ACAP3: variants seen among roughly 807,000 people sequenced by gnomAD.
ACAP3 encodes the protein ArfGAP with coiled-coil, ankyrin repeat and PH domains 3, also known as arf-GAP with coiled-coil, ANK repeat and PH domain-containing protein 3.
ACAP3 carries 56 observed loss-of-function variants against 104.1 expected under a neutral mutation model. The observed-to-expected ratio is 0.54, with a 90% CI of 0.43 to 0.67. The LOEUF (loss-of-function observed/expected upper bound fraction) is 0.67, where lower values mean the gene tolerates loss of function less well. Among genes scored for constraint, ACAP3 ranks in the 30% least tolerant of loss-of-function variants. The pLI is 0.00. For synonymous variants in ACAP3, 628 were observed against 496.2 expected (o/e 1.27, Z -3.53); for missense variants, 1,208 against 1,174.9 (o/e 1.03, Z -0.41).
rs1010621542 is a variant in ACAP3 at position 1,294,312 on chromosome 1, G to A, written c.2139+90C>T. ...GCCGGGACCGAACGTGGTCCCCACC[G>A]CGGACAGGCGACCCTTGTGTGGGCG... On this transcript the variant is annotated intron_variant, in intron 21 of 23. Coordinates refer to ENST00000354700, the MANE Select transcript of ACAP3 (RefSeq NM_030649.3). The A allele has an allele frequency of 6.6e-6, 10 of 1,513,258 alleles. No individual in the cohort carries two copies. In the Admixed American group the frequency reaches 1.0e-4, roughly 16 times the overall value. 93.7% of individuals were successfully genotyped at this position (1,513,258 alleles called of 1,614,324 possible). A position where few individuals can be genotyped will look rare whatever the true frequency, so the allele number is the denominator to read the frequency against.
rs1478714708 is a variant in ACAP3 at position 1,300,218 on chromosome 1, C to A, written c.523-16G>T. 6.3e-7 allele frequency: 1 copy of A among 1,597,722 alleles called. No homozygotes were observed. The highest frequency in any genetic ancestry group is 8.5e-7 in the Non-Finnish European group (1 of 1,171,320). Reference sequence around the variant, plus strand: ...GAACATTGATCTGCCAGAGGGGGAGCCCACAGGTGAGCCCCGGAGGCTGAG... The same window carrying A: ...GAACATTGATCTGCCAGAGGGGGAGACCACAGGTGAGCCCCGGAGGCTGAG... On this transcript the variant is annotated splice_polypyrimidine_tract_variant and intron_variant, in intron 6 of 23. Transcript: ENST00000354700.
At chr1:1,298,279 G>C (rs939543243) in intron 12 of ACAP3, 91 bp downstream of exon 12, 1 of 1,589,508 alleles carries the variant, frequency 6.3e-7, no homozygotes, top group African/African-American at 1.3e-5. Context: ...CTAGTGCCCC[G>C]GCCCTGTGCT....
rs750084816 is a variant in ACAP3, at chr1:1,300,564, G to GC, written c.466dup (p.Ala156GlyfsTer30). The GC allele has an allele frequency of 6.2e-7, 1 of 1,612,138 alleles. No homozygotes were observed. Among genetic ancestry groups the GC allele is most frequent in the Non-Finnish European group, 8.5e-7 (1 of 1,179,706 alleles). ...GAAGCACTTCCTGGTGAGGGTGAGG[G>GC]CCCCGGTGGCTTCCTCCACCTCGTG... On this transcript the variant is annotated frameshift_variant, in exon 6 of 24. Transcript: ENST00000354700. LOFTEE classifies it high-confidence loss of function.
In ACAP3 at chr1:1,293,563, C is replaced by T. The variant is rs1640937226; in HGVS notation, c.*1G>A. ...GTGGCAGCTGCCCGGCCTGCCCGGC[C>T]CTAGCTCTCTTCCAGGTGGAGGCTG... On this transcript the variant is annotated 3_prime_UTR_variant, in exon 24 of 24. Transcript: ENST00000354700. 10 of 1,483,378 alleles carry T rather than the reference C, an allele frequency of 6.7e-6. No homozygotes were observed. The highest frequency in any genetic ancestry group is 1.5e-5 in the African/African-American group (1 of 67,986). 91.9% of individuals were successfully genotyped at this position (1,483,378 alleles called of 1,614,324 possible). A position where few individuals can be genotyped will look rare whatever the true frequency, so the allele number is the denominator to read the frequency against.
rs1641133404 is a variant in ACAP3, at chr1:1,296,124, G to A, written c.1408-15C>T. 4 of 1,612,532 alleles carry A rather than the reference G, an allele frequency of 2.5e-6. No homozygotes were observed. The highest frequency in any genetic ancestry group is 1.6e-4 in the Middle Eastern group (1 of 6,062). ...TCACACATCAGCTAGCGGGAGACAG[G>A]GCGAGCAGGCATCAGTGCGAACCTG... On this transcript the variant is annotated splice_polypyrimidine_tract_variant and intron_variant, in intron 16 of 23. Coordinates refer to ENST00000354700, the MANE Select transcript of ACAP3 (RefSeq NM_030649.3).
chr1:1,296,582 C>A lies in ACAP3; in HGVS notation c.1180G>T (p.Asp394Tyr). 6.5e-7 allele frequency: 1 copy of A among 1,539,692 alleles called. No homozygotes were observed. Reference sequence around the variant, plus strand: ...CCCTTCACGCCACGCTCCCGAGTGTCGGTGGCGGAGTCGATGCTGCTCGTG... The same window carrying A: ...CCCTTCACGCCACGCTCCCGAGTGTAGGTGGCGGAGTCGATGCTGCTCGTG... ...PSTSSIDSATDTRERGVKGES... is the reference protein window; with the variant it reads ...PSTSSIDSATYTRERGVKGES... The change falls in exon 15 of 24, where the codon GAC (aspartate) becomes TAC (tyrosine). Residue 394 changes from aspartate to tyrosine, a missense_variant. Physicochemically the swap from Asp to Tyr is radical, Grantham distance 160. Coordinates refer to ENST00000354700, the MANE Select transcript of ACAP3 (RefSeq NM_030649.3).
rs1641122257 is a variant in ACAP3 at position 1,295,956 on chromosome 1, A to G, written c.1503-18T>C. ...TGTCCTGCCTGGACCAGGGGGGAACATGAGGCTGTGCCCCCAGGCTGGGGC... is the reference window on the plus strand; with the variant it reads ...TGTCCTGCCTGGACCAGGGGGGAACGTGAGGCTGTGCCCCCAGGCTGGGGC... On this transcript the variant is annotated intron_variant, in intron 17 of 23. Coordinates refer to ENST00000354700, the MANE Select transcript of ACAP3 (RefSeq NM_030649.3). 2 of 1,612,530 alleles carry G rather than the reference A, an allele frequency of 1.2e-6. No individual in the cohort carries two copies. Among genetic ancestry groups the G allele is most frequent in the Non-Finnish European group, 1.7e-6 (2 of 1,179,954 alleles).
chr1:1,307,224 C>T, intron 1 of ACAP3: 1 of 1,287,118 alleles, frequency 7.8e-7, no homozygotes, highest in Non-Finnish European at 1.0e-6. Context: ...CATGCAGACT[C>T]GGTGTGCACA....
chr1:1,298,233 C>A, intron 12 of ACAP3, 120 bp from the exon 13 acceptor site: 1 of 1,576,984 alleles, frequency 6.3e-7, no homozygotes, highest in Admixed American at 1.8e-5. Context: ...CCGTGTCCAG[C>A]TCTCTGCTCC....
At position 1,307,709 on chromosome 1, in the gene ACAP3, C is replaced by T. The variant is rs1168107338; in HGVS notation, c.47+60G>A. The T allele has an allele frequency of 7.4e-6, 8 of 1,077,302 alleles. 1 individual carries two copies. In the East Asian group the frequency reaches 5.3e-4, roughly 71 times the overall value. The allele number at this position is 1,077,302 out of a possible 1,614,324, so 66.7% of individuals were successfully genotyped here. A position where few individuals can be genotyped will look rare whatever the true frequency, so the allele number is the denominator to read the frequency against. The stretch of plus-strand genomic sequence containing the variant: ...CTGACCTCCCCACCCCGCCGCCGGG[C>T]ACAAAGGCGACAGCGACGCCCCCGG... On this transcript the variant is annotated intron_variant, in intron 1 of 23. Transcript: ENST00000354700.
chr1:1,302,807 C>G (rs1160733510), intron 4 of ACAP3, 115 bp downstream of exon 4: 1 of 329,198 alleles, frequency 3.0e-6, no homozygotes, highest in Non-Finnish European at 5.8e-6. Flanking sequence ...CCCCCCCCCC[C>G]GACTAGAGGA....
Position 1,293,495 on chromosome 1 carries a change from G to A in ACAP3, c.*69C>T. On this transcript the variant is annotated 3_prime_UTR_variant, in exon 24 of 24. Transcript: ENST00000354700. ...CACACGCAGGGCCGCGGCCGGGTGGGCGCCAGGGACTTCGGGGCATGCGGG... is the reference window on the plus strand; with the variant it reads ...CACACGCAGGGCCGCGGCCGGGTGGACGCCAGGGACTTCGGGGCATGCGGG... 7.4e-7 allele frequency: 1 copy of A among 1,348,520 alleles called. No homozygotes were observed. Among genetic ancestry groups the A allele is most frequent in the Non-Finnish European group, 9.5e-7 (1 of 1,056,870 alleles). The allele number at this position is 1,348,520 out of a possible 1,614,324, so 83.5% of individuals were successfully genotyped here.
chr1:1,296,500 C>G lies in ACAP3; in HGVS notation c.1262G>C (p.Cys421Ser). 6.5e-7 allele frequency: 1 copy of G among 1,542,120 alleles called. No individual in the cohort carries two copies. The highest frequency in any genetic ancestry group is 8.7e-7 in the Non-Finnish European group (1 of 1,146,784). The change falls in exon 15 of 24, where the codon TGC becomes TCC. Residue 421 changes from cysteine to serine, a missense_variant. By Grantham distance (112) the Cys-to-Ser change is moderately radical (BLOSUM62 -1). Coordinates refer to ENST00000354700, the MANE Select transcript of ACAP3 (RefSeq NM_030649.3). ...SVAGNSQCGD[C>S]GQPDPRWASI... ...GGCCCAGCGGGGGTCCGGCTGGCCG[C>G]AGTCGCCGCACTGGCTGTTGCCGGC...
rs553351645 is a variant in ACAP3, at chr1:1,293,445, G to A, written c.*119C>T. On this transcript the variant is annotated 3_prime_UTR_variant, in exon 24 of 24. Transcript: ENST00000354700. ...CAGGGCCGCGGCGCCCCAGCACTGG[G>A]GCTGCCAGGTATCGACCCGCGGGTC... The A allele has an allele frequency of 1.0e-4, 114 of 1,100,882 alleles. No homozygotes were observed. Among genetic ancestry groups the A allele is most frequent in the Non-Finnish European group, 1.3e-4 (109 of 862,166 alleles). 68.2% of individuals were successfully genotyped at this position (1,100,882 alleles called of 1,614,324 possible).
At position 1,296,113 on chromosome 1, in the gene ACAP3, G is replaced by C. The variant is rs775415413; in HGVS notation, c.1408-4C>G. On this transcript the variant is annotated splice_polypyrimidine_tract_variant and splice_region_variant and intron_variant, in intron 16 of 23. Transcript: ENST00000354700. ...TGTTTCCAAGCTCACACATCAGCTA[G>C]CGGGAGACAGGGCGAGCAGGCATCA... 25 of 1,612,602 alleles carry C rather than the reference G, an allele frequency of 1.6e-5. No individual in the cohort carries two copies. Among genetic ancestry groups the C allele is most frequent in the Middle Eastern group, 1.6e-4 (1 of 6,084 alleles).
Position 1,293,713 on chromosome 1 carries a change from G to T in ACAP3, c.2361-5C>A, listed in dbSNP as rs752467746. The T allele has an allele frequency of 1.7e-5, 25 of 1,431,238 alleles. No individual in the cohort carries two copies. The South Asian group carries it at 3.4e-4, about 19-fold the overall frequency. The allele number at this position is 1,431,238 out of a possible 1,614,324, so 88.7% of individuals were successfully genotyped here. A position where few individuals can be genotyped will look rare whatever the true frequency, so the allele number is the denominator to read the frequency against. On this transcript the variant is annotated splice_region_variant and splice_polypyrimidine_tract_variant and intron_variant, in intron 23 of 23. Transcript: ENST00000354700. ...GCCATGCGCGCCAGACGGAGCCTACGGGGAGGCACAGCGTGAGACGCCCCT... is the reference window on the plus strand; with the variant it reads ...GCCATGCGCGCCAGACGGAGCCTACTGGGAGGCACAGCGTGAGACGCCCCT...
intron 4 of ACAP3, 33 bp downstream of exon 4, chr1:1,302,889 A>G (rs375249698): frequency 6.3e-7 from 1 of 1,580,436 alleles, no homozygotes; most frequent in Non-Finnish European, 8.6e-7. Context: ...CAGGCCAGGC[A>G]CAGCCCACAG....
intron 19 of ACAP3, 139 bp from the exon 20 acceptor site, chr1:1,294,955 G>C (rs1011538945): frequency 2.6e-6 from 2 of 765,232 alleles, no homozygotes; most frequent in Non-Finnish European, 4.2e-6. Context: ...GGGCCGGGGG[G>C]AGCCAGCTGC....
Position 1,293,869 on chromosome 1 carries a change from G to C in ACAP3, c.2314C>G (p.Pro772Ala). 2 of 1,565,334 alleles carry C rather than the reference G, an allele frequency of 1.3e-6. No individual in the cohort carries two copies. Among genetic ancestry groups the C allele is most frequent in the Non-Finnish European group, 1.7e-6 (2 of 1,160,674 alleles). Reference protein sequence around the residue: ...QHALDQEQRDPLAIAVQAANA... With the variant: ...QHALDQEQRDALAIAVQAANA... ...GCCGCCTGCACTGCGATGGCCAACG[G>C]GTCCCGCTGCTCTTGGTCCAGGGCG... The change falls in exon 23 of 24, where the codon CCG (proline) becomes GCG (alanine). Residue 772 changes from proline (P) to alanine (A), a missense_variant. By Grantham distance (27) the Pro-to-Ala change is conservative (BLOSUM62 -1). Transcript: ENST00000354700.
Sources: gnomAD v4.1 joint callset for allele counts on GRCh38, gnomAD v4.1.1 for gene constraint, MANE v1.5 for transcripts, NCBI Gene and HGNC (gene_info 2026-07-23, HGNC 2026-07-21) for gene names.